The following GLB1L2 variants were observed in gnomAD, a reference collection of about 807,000 sequenced individuals.
The protein encoded by GLB1L2 is beta-galactosidase-1-like protein 2.
In GLB1L2, 68 loss-of-function variants were observed where a neutral mutation model predicts 84.1. That is an observed-to-expected ratio of 0.81 (90% CI 0.67 to 0.99). The LOEUF (loss-of-function observed/expected upper bound fraction) is 0.99, where lower values mean the gene tolerates loss of function less well. Ranked by LOEUF, GLB1L2 falls within the 50% of genes least tolerant of loss-of-function variation. The pLI is 0.00. For synonymous variants in GLB1L2, 290 were observed against 318.0 expected, an observed-to-expected ratio of 0.91 and a Z score of 0.94; for missense variants, 762 against 805.6, an observed-to-expected ratio of 0.95 and a Z score of 0.66.
At chr11:134,345,561 C>T (rs895053212) in intron 4 of GLB1L2, among the ~76,000 whole-genome samples, 3 of 152,210 alleles carry the variant, frequency 2.0e-5, no homozygotes, top group Non-Finnish European at 2.9e-5. Context: ...ACCTCCGCCT[C>T]CCGGGTTCAA....
At chr11:134,343,166 G>T (rs1374412051) in intron 2 of GLB1L2, among the ~76,000 whole-genome samples, 5 of 152,136 alleles carry the variant, frequency 3.3e-5, no homozygotes, top group Non-Finnish European at 7.3e-5. Context: ...TAGCAATGTC[G>T]CACAAAAGAG....
chr11:134,368,314 A>G lies in GLB1L2; in HGVS notation c.890-330A>G, dbSNP rs190009245. 1.2e-4 allele frequency among the ~76,000 whole-genome samples: 18 copies of G among 152,260 alleles called. No individual in the cohort carries two copies. In the East Asian group the frequency reaches 3.3e-3, roughly 28 times the overall value. On this transcript the variant is annotated intron_variant, in intron 9 of 18. Coordinates refer to ENST00000535456, the MANE Select transcript of GLB1L2 (RefSeq NM_001370461.1). ...CATCCCATCTTTGTGCACTTGATAC[A>G]CCTGGTCAGGCAGACTCACATGGAG...
At chr11:134,357,698 G>A (rs1943722776) in intron 6 of GLB1L2, among the ~76,000 whole-genome samples, 1 of 152,230 alleles carries the variant, frequency 6.6e-6, no homozygotes, top group South Asian at 2.1e-4. Flanking sequence ...GCCCATGTGT[G>A]ACTCAGGTGG....
chr11:134,356,244 T>C (rs746256330), intron 5 of GLB1L2, 57 bp from the exon 6 acceptor site: 246 of 1,343,072 alleles, frequency 1.8e-4, no homozygotes, highest in Non-Finnish European at 2.5e-4. Context: ...GTGGCAGGGT[T>C]GGATACTACA....
intron 7 of GLB1L2, 70 bp downstream of exon 7, chr11:134,359,211 G>A: frequency 1.9e-6 from 2 of 1,077,104 alleles, no homozygotes; most frequent in Non-Finnish European, 2.7e-6. Context: ...CTCCCGCTGT[G>A]GGACTGCGAC....
At chr11:134,372,040 G>A (rs1011858405) in intron 15 of GLB1L2, among the ~76,000 whole-genome samples, 5 of 152,288 alleles carry the variant, frequency 3.3e-5, no homozygotes, top group East Asian at 3.9e-4. Flanking sequence ...CGCGTGCATC[G>A]TCTGCGTGCT....
In GLB1L2 at chr11:134,375,350, C is replaced by T. The variant is rs916948460; in HGVS notation, c.*292C>T. On this transcript the variant is annotated 3_prime_UTR_variant, in exon 19 of 19. Transcript: ENST00000535456. Reference sequence around the variant, plus strand: ...GGAGCAGCTAATCAGATCGCCCAGCCTTTGGCCCTCAGAAAAAGTGCTGAA... The same window carrying T: ...GGAGCAGCTAATCAGATCGCCCAGCTTTTGGCCCTCAGAAAAAGTGCTGAA... 4 of 364,908 alleles carry T rather than the reference C, an allele frequency of 1.1e-5. No homozygotes were observed. The highest frequency in any genetic ancestry group is 2.0e-5 in the Non-Finnish European group (4 of 203,670). The allele number at this position is 364,908 out of a possible 1,614,324, so 22.6% of individuals were successfully genotyped here.
chr11:134,371,431 A>T lies in GLB1L2; in HGVS notation c.1367A>T (p.Asn456Ile). The T allele has an allele frequency of 3.2e-6, 5 of 1,586,612 alleles. No homozygotes were observed. Among genetic ancestry groups the T allele is most frequent in the Non-Finnish European group, 4.3e-6 (5 of 1,154,774 alleles). The change falls in exon 14 of 19, where the codon AAC (asparagine) becomes ATC (isoleucine). Residue 456 changes from asparagine to isoleucine, a missense_variant. Physicochemically the swap from Asn to Ile is moderately radical, Grantham distance 149 (BLOSUM62 -3). Transcript: ENST00000535456. Reference protein sequence around the residue: ...HVHDRGQVFVNTVSIGFLDYK... With the variant: ...HVHDRGQVFVITVSIGFLDYK... Reference sequence around the variant, plus strand: ...TGTTCCCTTTGGCAGGTGTTTGTGAACACAGTATCCATAGGATTCTTGGAC... The same window carrying T: ...TGTTCCCTTTGGCAGGTGTTTGTGATCACAGTATCCATAGGATTCTTGGAC...
intron 13 of GLB1L2, 134 bp downstream of exon 13, chr11:134,371,282 CA>C (rs1943948701): frequency 5.5e-6 from 7 of 1,277,400 alleles, no homozygotes; most frequent in Non-Finnish European, 7.9e-6. Flanking sequence ...TGTGAGCCTT[CA>C]GGGGGCATTC....
At chr11:134,371,930 T>A in intron 15 of GLB1L2, 100 bp downstream of exon 15, 1 of 1,152,060 alleles carries the variant, frequency 8.7e-7, no homozygotes, top group Non-Finnish European at 1.3e-6. Context: ...GGAGGCCTCT[T>A]GCAGGGAGGT....
At chr11:134,369,688 G>T in intron 10 of GLB1L2, 117 bp from the exon 11 acceptor site, 1 of 788,478 alleles carries the variant, frequency 1.3e-6, no homozygotes, top group South Asian at 2.0e-5. Flanking sequence ...AAAGTGTCTT[G>T]CCTCCCCAAT....
chr11:134,351,089 T>A (rs1943624426), intron 5 of GLB1L2, among the ~76,000 whole-genome samples: 1 of 152,246 alleles, frequency 6.6e-6, no homozygotes, highest in Non-Finnish European at 1.5e-5. Context: ...AAAGCACGAA[T>A]GCTTGGTTTG....
At chr11:134,335,804 C>A (rs1943378038) in intron 1 of GLB1L2, among the ~76,000 whole-genome samples, 1 of 152,212 alleles carries the variant, frequency 6.6e-6, no homozygotes, top group African/African-American at 2.4e-5. Context: ...AGACGCTCTT[C>A]TGGGAAGAAT....
At chr11:134,353,400 ACT>A (rs905642204) in intron 5 of GLB1L2, among the ~76,000 whole-genome samples, 3 of 151,754 alleles carry the variant, frequency 2.0e-5, no homozygotes, top group Admixed American at 6.6e-5. Context: ...ACAGAGCAAG[ACT>A]CTGTTTTTTT....
Position 134,332,150 on chromosome 11 carries a change from G to A in GLB1L2, c.86+3G>A, listed in dbSNP as rs758229718. On this transcript the variant is annotated splice_donor_region_variant and intron_variant, in intron 1 of 18. Transcript: ENST00000535456. ...TTGGGCTTCCTGGTGCTCCGCAGGT[G>A]AGAGAGAGCTTCGCGCAGCACCTGC... 4.0e-5 allele frequency: 63 copies of A among 1,562,374 alleles called. No individual in the cohort carries two copies. In the South Asian group the frequency reaches 7.3e-4, roughly 18 times the overall value.
At chr11:134,340,156 G>A (rs1333493463) in intron 1 of GLB1L2, among the ~76,000 whole-genome samples, 1 of 152,192 alleles carries the variant, frequency 6.6e-6, no homozygotes, top group East Asian at 1.9e-4. Flanking sequence ...GTTAGGATAA[G>A]TAATGTGTGC....
chr11:134,371,809 A>G lies in GLB1L2; in HGVS notation c.1486A>G (p.Asn496Asp), dbSNP rs1943956898. The change falls in exon 15 of 19, where the codon AAT becomes GAT. Residue 496 changes from asparagine (N) to aspartate (D), a missense_variant. Physicochemically the swap from Asn to Asp is conservative, Grantham distance 23. Transcript: ENST00000535456. The part of the protein sequence containing the change: ...ENRGRVNYGE[N>D]IDDQRKGLIG... ...TCGTGGGCGAGTCAACTATGGGGAG[A>G]ATATTGATGACCAGCGCAAAGGTGG... 1 of 1,613,956 alleles carries G rather than the reference A, an allele frequency of 6.2e-7. No individual in the cohort carries two copies. The highest frequency in any genetic ancestry group is 1.1e-5 in the South Asian group (1 of 91,072).
chr11:134,336,967 T>C (rs1943396392), intron 1 of GLB1L2, among the ~76,000 whole-genome samples: 1 of 152,184 alleles, frequency 6.6e-6, no homozygotes, highest in Non-Finnish European at 1.5e-5. Flanking sequence ...AGTAACAGAA[T>C]GTTAGAACAC....
chr11:134,344,641 G>A (rs1943519634), intron 3 of GLB1L2, among the ~76,000 whole-genome samples, 186 bp downstream of exon 3: 2 of 152,288 alleles, frequency 1.3e-5, no homozygotes, highest in Admixed American at 1.3e-4. Flanking sequence ...CAGAGGGACT[G>A]GGCCTGCAGC....
Sources: allele counts gnomAD v4.1 joint callset (sites outside exome capture counted in the v4.1 genomes callset), GRCh38; gene constraint gnomAD v4.1.1; transcripts MANE v1.5; gene names NCBI Gene and HGNC (gene_info 2026-07-23, HGNC 2026-07-21).